PLXDC2: variants seen among roughly 807,000 people sequenced by gnomAD.
PLXDC2 encodes plexin domain containing 2, also known as plexin domain-containing protein 2.
Under a neutral mutation model 68.9 loss-of-function variants are expected in PLXDC2, and 40 were observed. The ratio of observed to expected loss-of-function variants is 0.58; its 90% confidence interval spans 0.45 to 0.76. The LOEUF is 0.76. Among genes scored for constraint, PLXDC2 ranks in the 30% least tolerant of loss-of-function variants. The pLI is 0.00. For missense variants in PLXDC2, 644 were observed against 661.9 expected, an observed-to-expected ratio of 0.97 and a Z score of 0.30; for synonymous variants, 243 against 234.2, an observed-to-expected ratio of 1.04 and a Z score of -0.34.
chr10:20,173,649 A>C (rs1407452428), intron 7 of PLXDC2, among the ~76,000 whole-genome samples: 1 of 152,198 alleles, frequency 6.6e-6, no homozygotes, highest in Non-Finnish European at 1.5e-5. Flanking sequence ...TTTAAAAGGC[A>C]CTAATGGGTG....
chr10:20,025,217 A>G (rs956450700), intron 2 of PLXDC2, among the ~76,000 whole-genome samples: 1 of 151,814 alleles, frequency 6.6e-6, no homozygotes, highest in East Asian at 1.9e-4. Flanking sequence ...CCAACAGAGT[A>G]TAAGGGCTCC....
intron 1 of PLXDC2, among the ~76,000 whole-genome samples, chr10:19,932,755 A>T (rs79943717): frequency 0.25 from 37,673 of 152,014 alleles, 5,311 homozygotes; most frequent in Middle Eastern, 0.36. Context: ...GGAATTAAAA[A>T]AACCACATTC....
At chr10:20,044,709 T>C (rs1042436834) in intron 2 of PLXDC2, among the ~76,000 whole-genome samples, 7 of 151,988 alleles carry the variant, frequency 4.6e-5, no homozygotes, top group African/African-American at 1.4e-4. Context: ...CACCCCCACA[T>C]CTCCACAATC....
intron 13 of PLXDC2, among the ~76,000 whole-genome samples, chr10:20,270,147 T>C (rs1161346391): frequency 6.6e-6 from 1 of 152,154 alleles, no homozygotes; most frequent in Non-Finnish European, 1.5e-5. Context: ...GTTAGAAGAC[T>C]ATTGGTAGTC....
At chr10:20,104,725 T>C (rs1482011756) in intron 4 of PLXDC2, among the ~76,000 whole-genome samples, 1 of 152,122 alleles carries the variant, frequency 6.6e-6, no homozygotes, top group Non-Finnish European at 1.5e-5. Flanking sequence ...TAATCTCTCT[T>C]ACTTCTTGCA....
intron 4 of PLXDC2, among the ~76,000 whole-genome samples, chr10:20,089,303 G>A (rs894668655): frequency 4.0e-5 from 6 of 151,556 alleles, no homozygotes; most frequent in African/African-American, 1.5e-4. Context: ...ATGTATTTAC[G>A]GAAGAAGTAA....
At chr10:20,213,610 A>G (rs570424510) in intron 10 of PLXDC2, among the ~76,000 whole-genome samples, 126 of 152,224 alleles carry the variant, frequency 8.3e-4, no homozygotes, top group African/African-American at 2.9e-3. Context: ...TAAATTATGA[A>G]TTAGATCACA....
At chr10:20,187,929 T>G (rs1834708444) in intron 9 of PLXDC2, among the ~76,000 whole-genome samples, 1 of 151,834 alleles carries the variant, frequency 6.6e-6, no homozygotes, top group South Asian at 2.1e-4. Flanking sequence ...TTGAAAAGTG[T>G]TCTCATTTAC....
intron 1 of PLXDC2, among the ~76,000 whole-genome samples, chr10:19,982,620 T>C (rs1197355308): frequency 6.6e-6 from 1 of 152,192 alleles, no homozygotes; most frequent in Non-Finnish European, 1.5e-5. Context: ...ACATGCTCAC[T>C]AGCTAAATTT....
chr10:20,126,407 A>ATGTGT (rs1341327938), intron 4 of PLXDC2, among the ~76,000 whole-genome samples: 3 of 144,730 alleles, frequency 2.1e-5, no homozygotes, highest in Non-Finnish European at 3.0e-5. Context: ...ATATATGTAT[A>ATGTGT]TACAACACAC....
intron 1 of PLXDC2, among the ~76,000 whole-genome samples, chr10:19,936,229 C>G (rs1833720785): frequency 6.6e-6 from 1 of 152,182 alleles, no homozygotes; most frequent in Non-Finnish European, 1.5e-5. Context: ...GTACTCTGCT[C>G]TGGAAACTCC....
intron 2 of PLXDC2, among the ~76,000 whole-genome samples, chr10:20,014,614 G>C (rs756604748): frequency 1.3e-5 from 2 of 151,988 alleles, no homozygotes; most frequent in South Asian, 4.1e-4. Context: ...TACTTTTGCC[G>C]TGAGAGTCAA....
chr10:19,869,983 G>T (rs1837503251), intron 1 of PLXDC2, among the ~76,000 whole-genome samples: 1 of 152,130 alleles, frequency 6.6e-6, no homozygotes, highest in Non-Finnish European at 1.5e-5. Flanking sequence ...ACTCTATGGG[G>T]GTTTGGACAT....
At chr10:19,862,493 A>G (rs549441955) in intron 1 of PLXDC2, among the ~76,000 whole-genome samples, 16 of 152,360 alleles carry the variant, frequency 1.1e-4, no homozygotes, top group African/African-American at 2.9e-4. Flanking sequence ...AAGCGTTACA[A>G]TAAGATAACA....
At chr10:19,955,717 T>A (rs1834058324) in intron 1 of PLXDC2, among the ~76,000 whole-genome samples, 1 of 152,164 alleles carries the variant, frequency 6.6e-6, no homozygotes, top group African/African-American at 2.4e-5. Context: ...TGTTCATAAC[T>A]GTTTTCTGTT....
chr10:20,199,667 A>T (rs753515656), intron 9 of PLXDC2, among the ~76,000 whole-genome samples: 42 of 152,106 alleles, frequency 2.8e-4, no homozygotes, highest in Middle Eastern at 3.4e-3. Context: ...CATTTAATGG[A>T]TGTAAAGTTG....
chr10:19,903,256 A>G (rs1041279497), intron 1 of PLXDC2, among the ~76,000 whole-genome samples: 5 of 151,116 alleles, frequency 3.3e-5, no homozygotes, highest in Admixed American at 6.6e-5. Context: ...ATTGGTACCA[A>G]TTCTTCTTTG....
chr10:20,179,959 A>G (rs956648541), intron 9 of PLXDC2, among the ~76,000 whole-genome samples: 1 of 152,208 alleles, frequency 6.6e-6, no homozygotes, highest in Admixed American at 6.6e-5. Context: ...TCTGTGTCAC[A>G]CCTGCCAGGT....
intron 12 of PLXDC2, among the ~76,000 whole-genome samples, chr10:20,233,646 C>T (rs1482576077): frequency 1.3e-5 from 2 of 152,134 alleles, no homozygotes; most frequent in Non-Finnish European, 1.5e-5. Context: ...ACCAAGGGCT[C>T]TGATTTCCAG....
Sources: allele counts gnomAD v4.1 joint callset (sites outside exome capture counted in the v4.1 genomes callset), GRCh38; gene constraint gnomAD v4.1.1; transcripts MANE v1.5; gene names NCBI Gene and HGNC (gene_info 2026-07-23, HGNC 2026-07-21).